The following EXO1 variants were observed in gnomAD, a reference collection of about 807,000 sequenced individuals.
The protein encoded by EXO1 is exonuclease 1.
Under a neutral mutation model 84.5 loss-of-function variants are expected in EXO1, and 69 were observed. The ratio of observed to expected loss-of-function variants is 0.82; its 90% CI spans 0.67 to 1.00. EXO1 has a LOEUF of 1.00. Among genes scored for constraint, EXO1 ranks in the 50% least tolerant of loss-of-function variants. The pLI is 0.00. For missense variants in EXO1, 1,045 were observed against 1,000.7 expected (o/e 1.04, Z -0.60); for synonymous variants, 373 against 366.1 (o/e 1.02, Z -0.21).
At chr1:241,877,581 G>T (rs1182279070) in intron 12 of EXO1, among the ~76,000 whole-genome samples, 3 of 151,978 alleles carry the variant, frequency 2.0e-5, no homozygotes, top group Non-Finnish European at 4.4e-5. Flanking sequence ...CATTATCTTG[G>T]ATTTGAACTA....
intron 9 of EXO1, 120 bp downstream of exon 9, chr1:241,860,824 A>T: frequency 1.3e-6 from 1 of 797,384 alleles, no homozygotes; most frequent in South Asian, 1.5e-5. Context: ...TCTTTTTTAT[A>T]GTGAAATCTG....
Position 241,872,020 on chromosome 1 carries a change from G to A in EXO1, c.1268-12G>A, listed in dbSNP as rs377164921. Reference sequence around the variant, plus strand: ...GAAACAAAGATTTACAGATAATTTTGTTTTTATTTAGCAGAGCTGTCAGAA... The same window carrying A: ...GAAACAAAGATTTACAGATAATTTTATTTTTATTTAGCAGAGCTGTCAGAA... On this transcript the variant is annotated splice_polypyrimidine_tract_variant and intron_variant, in intron 11 of 15. Transcript: ENST00000366548. The A allele has an allele frequency of 3.7e-4, 580 of 1,584,266 alleles. No individual in the cohort carries two copies. In the African/African-American group the frequency reaches 7.3e-3, roughly 20 times the overall value.
chr1:241,877,805 C>T (rs1270764202), intron 12 of EXO1, among the ~76,000 whole-genome samples: 2 of 151,750 alleles, frequency 1.3e-5, no homozygotes, highest in Non-Finnish European at 2.9e-5. Flanking sequence ...AAAGTCTTAA[C>T]CTGTATATTT....
rs4149975 is a variant in EXO1 at position 241,878,328 on chromosome 1, G to A, written c.1515-421G>A. Among the ~76,000 whole-genome samples, 87 of 152,066 alleles carry A rather than the reference G, an allele frequency of 5.7e-4. 1 individual carries two copies. Among genetic ancestry groups the A allele is most frequent in the Middle Eastern group, 6.8e-3 (2 of 294 alleles). ...AGCCTGACCAACATGGAGAAACCCC[G>A]TCTCTACTAAAAATACAAAATTAGC... is the stretch of plus-strand genomic sequence containing the variant. On this transcript the variant is annotated intron_variant, in intron 12 of 15. Transcript: ENST00000366548.
At chr1:241,884,274 A>G (rs544052774) in intron 14 of EXO1, among the ~76,000 whole-genome samples, 1 of 152,130 alleles carries the variant, frequency 6.6e-6, no homozygotes, top group African/African-American at 2.4e-5. Context: ...ATATTTAAGG[A>G]TTTCATCTTT....
At chr1:241,872,459 C>T (rs1167686271) in intron 12 of EXO1, among the ~76,000 whole-genome samples, 181 bp downstream of exon 12, 2 of 152,084 alleles carry the variant, frequency 1.3e-5, no homozygotes, top group Admixed American at 1.3e-4. Context: ...CACCCATCAA[C>T]CCGTCACCTC....
intron 11 of EXO1, among the ~76,000 whole-genome samples, chr1:241,870,603 G>T (rs527646064): frequency 6.6e-6 from 1 of 152,308 alleles, no homozygotes; most frequent in South Asian, 2.1e-4. Flanking sequence ...AATTTGCTGA[G>T]TTGATAATTG....
At chr1:241,868,759 TC>T (rs1661906689) in intron 11 of EXO1, among the ~76,000 whole-genome samples, 1 of 152,236 alleles carries the variant, frequency 6.6e-6, no homozygotes, top group Admixed American at 6.5e-5. Flanking sequence ...GTTTTCTGAT[TC>T]ATTCATTTAA....
At chr1:241,885,544 A>G (rs1663015539) in intron 15 of EXO1, 37 bp downstream of exon 15, 1 of 1,480,340 alleles carries the variant, frequency 6.8e-7, no homozygotes, top group African/African-American at 1.4e-5. Flanking sequence ...AACAAGATAA[A>G]CTGTTATTTT....
At position 241,852,463 on chromosome 1, in the gene EXO1, C is replaced by T. The variant is rs376625539; in HGVS notation, c.281+52C>T. ...AACTTCATTGCACTAAGGTCAGACA[C>T]TGTAGTCTATATGATACCAATTTTT... On this transcript the variant is annotated intron_variant, in intron 5 of 15. Transcript: ENST00000366548. 94 of 1,532,542 alleles carry T rather than the reference C, an allele frequency of 6.1e-5. No individual in the cohort carries two copies. In the African/African-American group the frequency reaches 1.0e-3, roughly 16 times the overall value. 94.9% of individuals were successfully genotyped at this position (1,532,542 alleles called of 1,614,324 possible). A position where few individuals can be genotyped will look rare whatever the true frequency, so the allele number is the denominator to read the frequency against.
At chr1:241,874,185 G>A (rs1339068474) in intron 12 of EXO1, among the ~76,000 whole-genome samples, 1 of 152,170 alleles carries the variant, frequency 6.6e-6, no homozygotes, top group Non-Finnish European at 1.5e-5. Context: ...GATCACCTGA[G>A]GTCAGGAGTT....
rs1435999152 is a variant in EXO1, at chr1:241,848,577, A to T, written c.-419-154A>T. On this transcript the variant is annotated intron_variant, in intron 1 of 15. Transcript: ENST00000366548. This position sits in a 1 kb window ranked among gnomAD's most constrained non-coding sequence, Gnocchi z 4.2. ...CAGAGGTCTGCAGTTCAGTGAACGG[A>T]GGGAGATAAGAGAGCAGACGATTCC... Among the ~76,000 whole-genome samples the T allele has an allele frequency of 6.6e-6, 1 of 152,184 alleles. No individual in the cohort carries two copies. The highest frequency in any genetic ancestry group is 1.5e-5 in the Non-Finnish European group (1 of 68,024).
At chr1:241,878,495 CAAA>C (rs34265528) in intron 12 of EXO1, among the ~76,000 whole-genome samples, 1 of 129,912 alleles carries the variant, frequency 7.7e-6, no homozygotes, top group Non-Finnish European at 1.7e-5. Flanking sequence ...GACTCTGTCT[CAAA>C]AAAAAAAAAA....
chr1:241,859,578 C>T (rs1193496998), intron 8 of EXO1, among the ~76,000 whole-genome samples: 2 of 152,126 alleles, frequency 1.3e-5, no homozygotes, highest in African/African-American at 4.8e-5. Flanking sequence ...TATGTTTAGA[C>T]TTGGGCCCCA....
At chr1:241,867,956 AAAG>A (rs974811884) in intron 11 of EXO1, among the ~76,000 whole-genome samples, 1 of 152,170 alleles carries the variant, frequency 6.6e-6, no homozygotes, top group African/African-American at 2.4e-5. Flanking sequence ...CTAAAAAAAA[AAAG>A]GTCAGGCATG....
chr1:241,868,849 A>G (rs1000681167), intron 11 of EXO1, among the ~76,000 whole-genome samples: 4 of 152,122 alleles, frequency 2.6e-5, no homozygotes, highest in South Asian at 4.1e-4. Flanking sequence ...TCGATTTTTG[A>G]TGCTGCTGTA....
chr1:241,872,074 C>A lies in EXO1; in HGVS notation c.1310C>A (p.Ser437Ter). ...EDDLLSQYSLSFTKKTKKNSS... is the reference protein window; with the variant it reads ...EDDLLSQYSL ...GACCTGTTGAGTCAGTATTCTCTTT[C>A]ATTTACGAAGAAGACCAAGAAAAAT... is the stretch of plus-strand genomic sequence containing the variant. The change falls in exon 12 of 16, where the codon TCA (serine) becomes TAA (stop). Residue 437 changes from serine to a stop codon, truncating the protein, a stop_gained. Transcript: ENST00000366548. LOFTEE classifies it high-confidence loss of function. The A allele has an allele frequency of 6.2e-7, 1 of 1,613,276 alleles. No individual in the cohort carries two copies. The highest frequency in any genetic ancestry group is 8.5e-7 in the Non-Finnish European group (1 of 1,179,320).
At chr1:241,852,150 T>A (rs938609452) in intron 4 of EXO1, 142 bp from the exon 5 acceptor site, 1 of 713,694 alleles carries the variant, frequency 1.4e-6, no homozygotes, top group Non-Finnish European at 2.3e-6. Context: ...AAGTTAGAGT[T>A]CCAATTCCTA....
intron 9 of EXO1, 36 bp downstream of exon 9, chr1:241,860,740 A>T: frequency 6.5e-7 from 1 of 1,535,984 alleles, no homozygotes; most frequent in South Asian, 1.1e-5. Flanking sequence ...GAATTTGTGC[A>T]TTTTTCTTCA....
Sources: gnomAD v4.1 joint callset for allele counts (sites outside exome capture counted in the v4.1 genomes callset) on GRCh38, gnomAD v4.1.1 for gene constraint, Gnocchi (gnomAD v3.1) non-coding constraint, MANE v1.5 for transcripts, NCBI Gene and HGNC (gene_info 2026-07-23, HGNC 2026-07-21) for gene names.